Variants in TULP4 observed in about 807,000 individuals in gnomAD.
TULP4 encodes the protein tubby-related protein 4.
Under a neutral mutation model 129.0 loss-of-function variants are expected in TULP4, and 16 were observed. That is an observed-to-expected ratio of 0.12 (90% CI 0.08 to 0.19). The LOEUF (loss-of-function observed/expected upper bound fraction) is 0.19, where lower values mean the gene tolerates loss of function less well. Ranked by LOEUF, TULP4 falls within the 10% of genes least tolerant of loss-of-function variation. TULP4 has a pLI of 1.00. For synonymous variants in TULP4, 998 were observed against 854.0 expected, an observed-to-expected ratio of 1.17 and a Z score of -2.94; for missense variants, 1,842 against 2,059.1, an observed-to-expected ratio of 0.89 and a Z score of 2.04.
At chr6:158,366,915 T>C (rs1776924317) in intron 1 of TULP4, among the ~76,000 whole-genome samples, 1 of 152,228 alleles carries the variant, frequency 6.6e-6, no homozygotes, top group African/African-American at 2.4e-5. Context: ...CACTTTCCTG[T>C]CCTTATGCGT....
intron 1 of TULP4, among the ~76,000 whole-genome samples, chr6:158,233,665 G>T (rs1777639145): frequency 6.6e-6 from 1 of 152,218 alleles, no homozygotes; most frequent in African/African-American, 2.4e-5. Flanking sequence ...CTCATCTCGC[G>T]TTGTGCAGTG....
chr6:158,313,409 C>A lies in TULP4; in HGVS notation c.-608C>A. ...TGCACGGTTTGTGTGCCTTTTTTTC[C>A]CTTTATGCAATCTTTTTCAGCTTTA... On this transcript the variant is annotated 5_prime_UTR_variant, in exon 1 of 14. Transcript: ENST00000367097. 3 of 398,744 alleles carry A rather than the reference C, an allele frequency of 7.5e-6. No individual in the cohort carries two copies. Among genetic ancestry groups the A allele is most frequent in the Non-Finnish European group, 1.3e-5 (3 of 226,280 alleles). 24.7% of individuals were successfully genotyped at this position (398,744 alleles called of 1,614,324 possible).
intron 1 of TULP4, among the ~76,000 whole-genome samples, chr6:158,344,680 C>T (rs1215637819): frequency 6.6e-6 from 1 of 152,182 alleles, no homozygotes; most frequent in Non-Finnish European, 1.5e-5. Context: ...ATTTCCCTTT[C>T]TCCTTGAGCC....
chr6:158,265,606 T>C (rs376077846), intron 1 of TULP4, among the ~76,000 whole-genome samples: 20 of 151,488 alleles, frequency 1.3e-4, no homozygotes, highest in African/African-American at 4.6e-4. Context: ...TGCTTGAACC[T>C]GGGAGGCGGA....
intron 5 of TULP4, among the ~76,000 whole-genome samples, chr6:158,457,358 C>A (rs1417053674): frequency 3.9e-5 from 6 of 152,190 alleles, no homozygotes; most frequent in Non-Finnish European, 8.8e-5. Context: ...CATCAGCCAG[C>A]ACACTTCATT....
intron 1 of TULP4, among the ~76,000 whole-genome samples, chr6:158,298,049 T>C (rs556673439): frequency 6.6e-6 from 1 of 152,304 alleles, no homozygotes; most frequent in African/African-American, 2.4e-5. Flanking sequence ...AGGAAAATAA[T>C]TTAGCGATAC....
chr6:158,466,268 G>A (rs1286006940), intron 6 of TULP4, among the ~76,000 whole-genome samples: 1 of 152,094 alleles, frequency 6.6e-6, no homozygotes, highest in Non-Finnish European at 1.5e-5. Context: ...CAGTCGATAG[G>A]GGGCTTAGGA....
At chr6:158,339,941 TC>T (rs1780141930) in intron 1 of TULP4, among the ~76,000 whole-genome samples, 1 of 152,220 alleles carries the variant, frequency 6.6e-6, no homozygotes, top group East Asian at 1.9e-4. Flanking sequence ...GTGATAAATG[TC>T]CATGAAATCT....
At chr6:158,253,035 T>C (rs904423315) in intron 1 of TULP4, among the ~76,000 whole-genome samples, 1 of 152,240 alleles carries the variant, frequency 6.6e-6, no homozygotes, top group Non-Finnish European at 1.5e-5. Context: ...CTGCTTTGCA[T>C]GTGTGAGGCC....
At position 158,510,357 on chromosome 6, in the gene TULP4, C is replaced by T. The variant is rs1780709804; in HGVS notation, c.*3663C>T. On this transcript the variant is annotated 3_prime_UTR_variant, in exon 14 of 14. Transcript: ENST00000367097. ...TGCAAACCCCAGGGTCAAGCCTGCT[C>T]TGCCACAGGGTTGGATGGTGACCTT... The T allele has an allele frequency of 6.6e-6, 1 of 152,262 alleles. No homozygotes were observed. The highest frequency in any genetic ancestry group is 1.5e-5 in the Non-Finnish European group (1 of 68,050). The allele number at this position is 152,262 out of a possible 1,614,324, so 9.4% of individuals were successfully genotyped here. A position where few individuals can be genotyped will look rare whatever the true frequency, so the allele number is the denominator to read the frequency against.
chr6:158,404,862 G>T (rs1777942452), intron 1 of TULP4, among the ~76,000 whole-genome samples: 2 of 152,052 alleles, frequency 1.3e-5, no homozygotes, highest in African/African-American at 4.8e-5. Context: ...AAAGATTGAG[G>T]TCTGAGAGGA....
chr6:158,365,751 A>T (rs190338202), intron 1 of TULP4, among the ~76,000 whole-genome samples: 2 of 151,784 alleles, frequency 1.3e-5, no homozygotes, highest in East Asian at 3.9e-4. Flanking sequence ...GATTACAGGC[A>T]TGAGCTACCG....
chr6:158,255,481 T>C (rs1346833855), intron 1 of TULP4, among the ~76,000 whole-genome samples: 1 of 152,168 alleles, frequency 6.6e-6, no homozygotes, highest in Non-Finnish European at 1.5e-5. Flanking sequence ...GACCTAGTTC[T>C]GGTCAGTGAG....
chr6:158,452,077 A>G (rs1391781978), intron 4 of TULP4, 57 bp from the exon 5 acceptor site: 11 of 1,592,912 alleles, frequency 6.9e-6, no homozygotes, highest in Admixed American at 1.7e-5. Context: ...AGCTTTGGGA[A>G]CCTGGATTTG....
chr6:158,484,715 G>A (rs566146511), intron 8 of TULP4, among the ~76,000 whole-genome samples: 107 of 152,284 alleles, frequency 7.0e-4, no homozygotes, highest in Non-Finnish European at 1.2e-3. Flanking sequence ...TCTGCAAGCC[G>A]GGGGCAAAGC....
At position 158,313,669 on chromosome 6, in the gene TULP4, G is replaced by A. The variant is rs1004860840; in HGVS notation, c.-348G>A. On this transcript the variant is annotated 5_prime_UTR_variant, in exon 1 of 14. Coordinates refer to ENST00000367097, the MANE Select transcript of TULP4 (RefSeq NM_020245.5). ...TGAGAATAACCAAGTGGAGTAAAAA[G>A]AAGAAAACCGTTTCTTGATCACCAC... is the stretch of plus-strand genomic sequence containing the variant. 14 of 445,812 alleles carry A rather than the reference G, an allele frequency of 3.1e-5. No homozygotes were observed. The highest frequency in any genetic ancestry group is 2.8e-4 in the African/African-American group (14 of 49,384). The allele number at this position is 445,812 out of a possible 1,614,324, so 27.6% of individuals were successfully genotyped here. A position where few individuals can be genotyped will look rare whatever the true frequency, so the allele number is the denominator to read the frequency against.
chr6:158,472,867 G>T (rs1359322516), intron 6 of TULP4, among the ~76,000 whole-genome samples: 4 of 152,300 alleles, frequency 2.6e-5, no homozygotes, highest in African/African-American at 9.6e-5. Context: ...TGTCCTACAT[G>T]TTGTAATGTA....
chr6:158,489,781 G>C, intron 9 of TULP4, 49 bp downstream of exon 9: 7 of 1,607,580 alleles, frequency 4.4e-6, no homozygotes, highest in Non-Finnish European at 6.0e-6. Flanking sequence ...CTCTGAATAT[G>C]TGTGTTTGTG....
Position 158,507,148 on chromosome 6 carries a change from T to C in TULP4, c.*454T>C, listed in dbSNP as rs899661768. 5.9e-6 allele frequency: 1 copy of C among 170,438 alleles called. No individual in the cohort carries two copies. The highest frequency in any genetic ancestry group is 5.4e-5 in the Admixed American group (1 of 18,630). 10.6% of individuals were successfully genotyped at this position (170,438 alleles called of 1,614,324 possible). A position where few individuals can be genotyped will look rare whatever the true frequency, so the allele number is the denominator to read the frequency against. On this transcript the variant is annotated 3_prime_UTR_variant, in exon 14 of 14. Coordinates refer to ENST00000367097, the MANE Select transcript of TULP4 (RefSeq NM_020245.5). The stretch of plus-strand genomic sequence containing the variant: ...CAGCCAAAAATTCTCAAGATGCAGG[T>C]TCTTGGGGAATGGGATGGGGACAGC...
Sources: allele counts gnomAD v4.1 joint callset (sites outside exome capture counted in the v4.1 genomes callset), GRCh38; gene constraint gnomAD v4.1.1; transcripts MANE v1.5; gene names NCBI Gene and HGNC (gene_info 2026-07-23, HGNC 2026-07-21).